Variants in PIEZO2 observed in about 807,000 individuals in gnomAD.
PIEZO2 encodes piezo-type mechanosensitive ion channel component 2.
In PIEZO2, 172 loss-of-function variants were observed where a neutral mutation model predicts 337.3. The ratio of observed to expected loss-of-function variants is 0.51; its 90% CI spans 0.45 to 0.58. PIEZO2 has a LOEUF of 0.58. Among genes scored for constraint, PIEZO2 ranks in the 20% least tolerant of loss-of-function variants. The pLI is 0.00. For synonymous variants in PIEZO2, 1,251 were observed against 1,228.5 expected (o/e 1.02, Z -0.38); for missense variants, 3,028 against 3,391.3 (o/e 0.89, Z 2.66).
At position 11,096,956 on chromosome 18, in the gene PIEZO2, A is replaced by G. The variant is rs2039278897; in HGVS notation, c.65-30734T>C. ...AGAAGGAAGCTGGCACAAGATTTTC[A>G]CTTGCTTTGTCTAGGAAAGATTTAA... On this transcript the variant is annotated intron_variant, in intron 1 of 55. Transcript: ENST00000674853. The surrounding 1 kb of genome is among the most constrained non-coding windows in gnomAD (Gnocchi z 4.6). Among the ~76,000 whole-genome samples, 1 of 152,184 alleles carries G rather than the reference A, an allele frequency of 6.6e-6. No individual in the cohort carries two copies. Among genetic ancestry groups the G allele is most frequent in the African/African-American group, 2.4e-5 (1 of 41,444 alleles).
chr18:11,139,350 A>C (rs72876016), intron 1 of PIEZO2, among the ~76,000 whole-genome samples: 6,672 of 152,296 alleles, frequency 0.044, 213 homozygotes, highest in Non-Finnish European at 0.066. Flanking sequence ...ATATAATGCA[A>C]ATAAAAGAAG....
intron 7 of PIEZO2, among the ~76,000 whole-genome samples, chr18:10,840,359 G>A (rs1232723489): frequency 6.6e-6 from 1 of 152,090 alleles, no homozygotes; most frequent in Non-Finnish European, 1.5e-5. Flanking sequence ...AAATTAAAAG[G>A]TTTAGAAGGG....
At chr18:10,764,857 C>T (rs2038286758) in intron 21 of PIEZO2, among the ~76,000 whole-genome samples, 3 of 152,200 alleles carry the variant, frequency 2.0e-5, no homozygotes, top group African/African-American at 4.8e-5. Flanking sequence ...TTTAACAAAA[C>T]AGATAGATTA....
intron 54 of PIEZO2, 24 bp downstream of exon 54, chr18:10,675,185 G>GA (rs755440943): frequency 1.4e-6 from 2 of 1,475,756 alleles, no homozygotes; most frequent in Non-Finnish European, 1.9e-6. Flanking sequence ...AAACAATTCT[G>GA]AAACAAATTT....
intron 36 of PIEZO2, among the ~76,000 whole-genome samples, chr18:10,723,764 G>A (rs2036417579): frequency 6.6e-6 from 1 of 152,140 alleles, no homozygotes; most frequent in South Asian, 2.1e-4. Context: ...ATGACCACTC[G>A]AAAGATCCCT....
chr18:10,802,018 G>A (rs1232190079), intron 9 of PIEZO2, among the ~76,000 whole-genome samples: 2 of 149,858 alleles, frequency 1.3e-5, no homozygotes, highest in South Asian at 2.1e-4. Flanking sequence ...CCCGGGAGGC[G>A]GAGCTTGCAG....
intron 21 of PIEZO2, among the ~76,000 whole-genome samples, chr18:10,768,470 C>T (rs557880136): frequency 2.5e-4 from 38 of 152,266 alleles, no homozygotes; most frequent in Non-Finnish European, 4.9e-4. Context: ...GCTTCAGGGC[C>T]GGAAACCCCC....
intron 3 of PIEZO2, among the ~76,000 whole-genome samples, chr18:10,927,246 A>AT (rs199845165): frequency 0.02 from 3,020 of 152,050 alleles, 49 homozygotes; most frequent in South Asian, 0.053. Context: ...TATTATTATT[A>AT]TTTTTTAAAG....
In PIEZO2 at chr18:11,057,871, C is replaced by A. The variant is rs148930765; in HGVS notation, c.160+8256G>T. Among the ~76,000 whole-genome samples, 477 of 152,342 alleles carry A rather than the reference C, an allele frequency of 3.1e-3. 2 individuals carry two copies. The highest frequency in any genetic ancestry group is 0.011 in the African/African-American group (465 of 41,578). Reference sequence around the variant, plus strand: ...CTTTCACATTTTGTCATATATCTAACTGCTGATCATCTTCTTTCTTCTATA... The same window carrying A: ...CTTTCACATTTTGTCATATATCTAAATGCTGATCATCTTCTTTCTTCTATA... On this transcript the variant is annotated intron_variant, in intron 2 of 55. Coordinates refer to ENST00000674853, the MANE Select transcript of PIEZO2 (RefSeq NM_001378183.1).
intron 44 of PIEZO2, 78 bp from the exon 45 acceptor site, chr18:10,697,958 A>G: frequency 6.6e-7 from 1 of 1,508,902 alleles, no homozygotes; most frequent in Non-Finnish European, 8.9e-7. Flanking sequence ...AGCAGAACCC[A>G]GAGCCCACAT....
In PIEZO2 at chr18:11,112,775, T is replaced by A. The variant is rs943089039; in HGVS notation, c.64+35750A>T. Among the ~76,000 whole-genome samples the A allele has an allele frequency of 6.6e-6, 1 of 152,138 alleles. No individual in the cohort carries two copies. The highest frequency in any genetic ancestry group is 1.5e-5 in the Non-Finnish European group (1 of 68,036). On this transcript the variant is annotated intron_variant, in intron 1 of 55. Coordinates refer to ENST00000674853, the MANE Select transcript of PIEZO2 (RefSeq NM_001378183.1). This position sits in a 1 kb window ranked among gnomAD's most constrained non-coding sequence, Gnocchi z 4.3. ...ACAGGACTGAACTGAAAATGTGGGC[T>A]CCTTCTCTCCATCTGCAGTTAGGTC... is the stretch of plus-strand genomic sequence containing the variant.
chr18:10,758,053 G>A lies in PIEZO2; in HGVS notation c.3839C>T (p.Ala1280Val). 1 of 1,537,350 alleles carries A rather than the reference G, an allele frequency of 6.5e-7. No homozygotes were observed. Among genetic ancestry groups the A allele is most frequent in the East Asian group, 2.4e-5 (1 of 40,914 alleles). The change falls in exon 27 of 56, where the codon GCA becomes GTA. Residue 1280 changes from alanine (A) to valine (V), a missense_variant. By Grantham distance (64) the Ala-to-Val change is moderately conservative (BLOSUM62 0). Coordinates refer to ENST00000674853, the MANE Select transcript of PIEZO2 (RefSeq NM_001378183.1). ...DENKAAVRIM[A>V]GDNVEICMNL... ...CATGCAGATCTCGACATTGTCACCT[G>A]CCATGATTCGCACTGCAGCCTTGTT... is the stretch of plus-strand genomic sequence containing the variant.
intron 3 of PIEZO2, among the ~76,000 whole-genome samples, chr18:10,956,339 C>T (rs1162791815): frequency 6.6e-6 from 1 of 152,008 alleles, no homozygotes; most frequent in African/African-American, 2.4e-5. Context: ...GAGGAAAGAG[C>T]TGTACACTGA....
chr18:11,019,404 T>G (rs2145703560), intron 2 of PIEZO2, among the ~76,000 whole-genome samples: 1 of 152,348 alleles, frequency 6.6e-6, no homozygotes, highest in South Asian at 2.1e-4. Context: ...CCATTCACAC[T>G]GGCATCCTTT....
intron 45 of PIEZO2, 140 bp downstream of exon 45, chr18:10,697,608 G>A (rs2035151711): frequency 1.5e-5 from 16 of 1,095,692 alleles, no homozygotes; most frequent in Middle Eastern, 6.2e-4. Flanking sequence ...AGACAAAAAG[G>A]GGTAATTTCA....
intron 18 of PIEZO2, among the ~76,000 whole-genome samples, chr18:10,779,852 G>A (rs182723813): frequency 7.6e-4 from 116 of 152,272 alleles, no homozygotes; most frequent in African/African-American, 2.6e-3. Context: ...GCAGGCAGGA[G>A]ATCAGACAGA....
intron 29 of PIEZO2, among the ~76,000 whole-genome samples, chr18:10,749,257 C>G (rs2037550984): frequency 6.6e-6 from 1 of 152,030 alleles, no homozygotes; most frequent in South Asian, 2.1e-4. Context: ...GCCAGGAGTT[C>G]AAGACCAACC....
intron 4 of PIEZO2, chr18:10,908,443 C>T (rs1568187527): frequency 6.6e-6 from 1 of 152,122 alleles, no homozygotes; most frequent in Non-Finnish European, 1.5e-5. Flanking sequence ...TCTAAAGAAC[C>T]AGATAGCTGT....
chr18:10,921,550 G>A (rs1286916622), intron 3 of PIEZO2, among the ~76,000 whole-genome samples: 6 of 151,912 alleles, frequency 3.9e-5, no homozygotes, highest in African/African-American at 9.7e-5. Context: ...GATGTATGTC[G>A]CCTCAGGACC....
Sources: allele counts gnomAD v4.1 joint callset (sites outside exome capture counted in the v4.1 genomes callset), GRCh38; gene constraint gnomAD v4.1.1; non-coding constraint Gnocchi (gnomAD v3.1); transcripts MANE v1.5; gene names NCBI Gene and HGNC (gene_info 2026-07-23, HGNC 2026-07-21).